MGAT5: variants seen among roughly 807,000 people sequenced by gnomAD.
The protein encoded by MGAT5 is alpha-1,6-mannosylglycoprotein 6-beta-N-acetylglucosaminyltransferase, also known as alpha-1,6-mannosylglycoprotein 6-beta-N-acetylglucosaminyltransferase A.
In MGAT5, 30 loss-of-function variants were observed where a neutral mutation model predicts 94.3. That is an observed-to-expected ratio of 0.32 (90% CI 0.24 to 0.43). MGAT5 has a LOEUF of 0.43. Ranked by LOEUF, MGAT5 falls within the 20% of genes least tolerant of loss-of-function variation. MGAT5 has a pLI of 1.00. For synonymous variants in MGAT5, 310 were observed against 322.9 expected (o/e 0.96, Z 0.43); for missense variants, 691 against 905.5 (o/e 0.76, Z 3.04).
chr2:134,279,524 TAC>T (rs1684571611), intron 2 of MGAT5, among the ~76,000 whole-genome samples: 1 of 152,202 alleles, frequency 6.6e-6, no homozygotes, highest in South Asian at 2.1e-4. Context: ...CTTCAAGGAA[TAC>T]ATGGCTTGTT....
intron 2 of MGAT5, among the ~76,000 whole-genome samples, chr2:134,305,614 G>A (rs1686279640): frequency 6.6e-6 from 1 of 152,134 alleles, no homozygotes; most frequent in African/African-American, 2.4e-5. Flanking sequence ...TTGACAGTTT[G>A]ATAAGAACAG....
chr2:134,222,844 T>C (rs1340163343), intron 1 of MGAT5, among the ~76,000 whole-genome samples: 2 of 152,218 alleles, frequency 1.3e-5, no homozygotes, highest in Non-Finnish European at 2.9e-5. Flanking sequence ...AAGTAAAAAC[T>C]GACAATAAAA....
intron 1 of MGAT5, among the ~76,000 whole-genome samples, chr2:134,263,564 G>A (rs2105581198): frequency 2.0e-5 from 3 of 152,304 alleles, no homozygotes; most frequent in African/African-American, 7.2e-5. Context: ...GACAACTGCA[G>A]GGTGGAAGCC....
intron 10 of MGAT5, among the ~76,000 whole-genome samples, chr2:134,387,330 A>ATTTTTTT (rs1273275881): frequency 7.6e-5 from 3 of 39,352 alleles, no homozygotes; most frequent in African/African-American, 4.4e-4. Flanking sequence ...ATATATATAT[A>ATTTTTTT]TATTTTTTTT....
intron 14 of MGAT5, among the ~76,000 whole-genome samples, chr2:134,435,392 T>C (rs1685115079): frequency 6.6e-6 from 1 of 152,218 alleles, no homozygotes; most frequent in East Asian, 1.9e-4. Flanking sequence ...CTTTACTTCC[T>C]CGTGTCTTTT....
chr2:134,403,711 T>A (rs1683185874), intron 11 of MGAT5, among the ~76,000 whole-genome samples: 1 of 151,834 alleles, frequency 6.6e-6, no homozygotes, highest in Non-Finnish European at 1.5e-5. Flanking sequence ...GGAGTTAGAG[T>A]CAGGTGGTGG....
At chr2:134,167,386 G>A (rs1036856081) in intron 1 of MGAT5, among the ~76,000 whole-genome samples, 3 of 152,210 alleles carry the variant, frequency 2.0e-5, no homozygotes, top group East Asian at 1.9e-4. Context: ...TGTTTACAGC[G>A]TGTTGGCAGT....
chr2:134,158,320 C>T (rs1037064942), intron 1 of MGAT5, among the ~76,000 whole-genome samples: 1 of 152,228 alleles, frequency 6.6e-6, no homozygotes, highest in Non-Finnish European at 1.5e-5. Context: ...ACCGAGCCAC[C>T]CTCACCCCCT....
intron 1 of MGAT5, among the ~76,000 whole-genome samples, chr2:134,171,640 G>A (rs140307209): frequency 5.9e-5 from 9 of 152,232 alleles, no homozygotes; most frequent in East Asian, 1.9e-4. Flanking sequence ...CCAAAAAAAC[G>A]GAGAACCAAA....
chr2:134,435,226 C>T (rs553219660), intron 14 of MGAT5, among the ~76,000 whole-genome samples: 60 of 152,300 alleles, frequency 3.9e-4, no homozygotes, highest in Middle Eastern at 6.8e-3. Flanking sequence ...TCCCAGGGCC[C>T]TCCTGAACCC....
intron 2 of MGAT5, among the ~76,000 whole-genome samples, chr2:134,287,399 G>A (rs1179395704): frequency 6.6e-6 from 1 of 152,144 alleles, no homozygotes; most frequent in Non-Finnish European, 1.5e-5. Flanking sequence ...TGTATCATCT[G>A]AGAGTTTTTC....
At chr2:134,128,830 CAAAA>C (rs1685979944) in intron 1 of MGAT5, among the ~76,000 whole-genome samples, 2 of 152,174 alleles carry the variant, frequency 1.3e-5, no homozygotes, top group Non-Finnish European at 2.9e-5. Context: ...CTTAGTCTCT[CAAAA>C]TGCCTTAGTC....
chr2:134,197,207 T>C (rs902997298), intron 1 of MGAT5, among the ~76,000 whole-genome samples: 3 of 152,312 alleles, frequency 2.0e-5, no homozygotes, highest in African/African-American at 7.2e-5. Context: ...CTTCAGTCAA[T>C]ATTTCAAAGT....
At chr2:134,147,083 GCT>G (rs1177111784) in intron 1 of MGAT5, among the ~76,000 whole-genome samples, 5 of 151,404 alleles carry the variant, frequency 3.3e-5, no homozygotes, top group African/African-American at 1.2e-4. Flanking sequence ...TTGGGTTCCT[GCT>G]CTCTCTCGCT....
intron 2 of MGAT5, among the ~76,000 whole-genome samples, chr2:134,311,855 G>A (rs1410982531): frequency 6.6e-6 from 1 of 152,114 alleles, no homozygotes; most frequent in African/African-American, 2.4e-5. Context: ...TATAAATATT[G>A]ATCCTAGGCA....
intron 10 of MGAT5, among the ~76,000 whole-genome samples, chr2:134,371,235 C>T (rs1435029441): frequency 6.6e-6 from 1 of 152,196 alleles, no homozygotes; most frequent in Admixed American, 6.5e-5. Context: ...CTCTGGGTCT[C>T]ACTTTCCTTA....
intron 4 of MGAT5, among the ~76,000 whole-genome samples, chr2:134,331,490 T>C (rs1687971848): frequency 6.6e-6 from 1 of 152,140 alleles, no homozygotes; most frequent in Non-Finnish European, 1.5e-5. Flanking sequence ...TCAGACAGTT[T>C]TAATTTCTTA....
intron 10 of MGAT5, among the ~76,000 whole-genome samples, chr2:134,377,953 C>G (rs933950178): frequency 2.0e-5 from 3 of 152,076 alleles, no homozygotes; most frequent in Non-Finnish European, 4.4e-5. Context: ...TATGCTATAC[C>G]CAGCATACCT....
chr2:134,397,722 T>C (rs1682799373), intron 10 of MGAT5, among the ~76,000 whole-genome samples: 2 of 152,126 alleles, frequency 1.3e-5, no homozygotes, highest in South Asian at 4.1e-4. Context: ...AGGGGCAATC[T>C]GAAAGGGCTC....
Sources: gnomAD v4.1 joint callset for allele counts (sites outside exome capture counted in the v4.1 genomes callset) on GRCh38, gnomAD v4.1.1 for gene constraint, MANE v1.5 for transcripts, NCBI Gene and HGNC (gene_info 2026-07-23, HGNC 2026-07-21) for gene names.